The following ATG7 variants were observed in gnomAD, a reference collection of about 807,000 sequenced individuals.
ATG7 encodes ubiquitin-like modifier-activating enzyme ATG7.
Under a neutral mutation model 82.4 loss-of-function variants are expected in ATG7, and 70 were observed. That is an observed-to-expected ratio of 0.85 (90% confidence interval 0.70 to 1.04). The LOEUF (loss-of-function observed/expected upper bound fraction) is 1.04, where lower values mean the gene tolerates loss of function less well. Among genes scored for constraint, ATG7 ranks in the 50% least tolerant of loss-of-function variants. The probability of loss-of-function intolerance (pLI) is 0.00; values close to 1 mark genes in which losing one functional copy is unlikely to be tolerated. For missense variants in ATG7, 792 were observed against 864.3 expected (o/e 0.92, Z 1.05); for synonymous variants, 287 against 313.0 (o/e 0.92, Z 0.88).
intron 19 of ATG7, among the ~76,000 whole-genome samples, chr3:11,415,778 T>A (rs889184123): frequency 2.7e-5 from 4 of 150,374 alleles, no homozygotes; most frequent in South Asian, 2.1e-4. Flanking sequence ...TTTTTTTAAA[T>A]AAGTAGAGGG....
chr3:11,433,078 G>A (rs1239757479), intron 20 of ATG7, among the ~76,000 whole-genome samples: 2 of 152,032 alleles, frequency 1.3e-5, no homozygotes, highest in African/African-American at 4.8e-5. Flanking sequence ...GATTGCTTGG[G>A]TCTGGGAGTT....
At chr3:11,559,638 C>G (rs991381499), downstream of ATG7, among the ~76,000 whole-genome samples, 2 of 152,212 alleles carry the variant, frequency 1.3e-5, no homozygotes, top group East Asian at 3.9e-4. Flanking sequence ...GAGCGCAGCT[C>G]CAAGGGTGTG....
At chr3:11,552,247 T>C (rs1227688798) in intron 20 of ATG7, among the ~76,000 whole-genome samples, 1 of 152,256 alleles carries the variant, frequency 6.6e-6, no homozygotes, top group Non-Finnish European at 1.5e-5. Context: ...TAGGGTTGAA[T>C]GTTTTTAAAG....
intron 20 of ATG7, among the ~76,000 whole-genome samples, chr3:11,494,207 T>C (rs2090628538): frequency 6.6e-6 from 1 of 152,146 alleles, no homozygotes; most frequent in African/African-American, 2.4e-5. Context: ...CAGGGGTTTA[T>C]ATGCCAGAGA....
chr3:11,385,321 C>T (rs1559513128), intron 19 of ATG7, among the ~76,000 whole-genome samples: 1 of 152,238 alleles, frequency 6.6e-6, no homozygotes, highest in Non-Finnish European at 1.5e-5. Flanking sequence ...AGCCACTGCG[C>T]TCAGCCAGCT....
intron 18 of ATG7, among the ~76,000 whole-genome samples, chr3:11,365,284 C>A (rs2076526193): frequency 6.6e-6 from 1 of 152,096 alleles, no homozygotes; most frequent in Non-Finnish European, 1.5e-5. Context: ...AAATAGAAAA[C>A]CTTTATAGGC....
intron 20 of ATG7, among the ~76,000 whole-genome samples, chr3:11,479,521 A>G (rs1448685083): frequency 2.0e-5 from 3 of 152,186 alleles, no homozygotes; most frequent in Non-Finnish European, 4.4e-5. Context: ...GGAGCAGTGC[A>G]TCTTTCAACT....
chr3:11,436,127 G>C (rs1333365240), intron 20 of ATG7, among the ~76,000 whole-genome samples: 1 of 152,046 alleles, frequency 6.6e-6, no homozygotes, highest in African/African-American at 2.4e-5. Flanking sequence ...ATAATATAAA[G>C]ATACAGAACT....
chr3:11,514,144 G>A (rs924748964), intron 20 of ATG7, among the ~76,000 whole-genome samples: 2 of 152,072 alleles, frequency 1.3e-5, no homozygotes, highest in Non-Finnish European at 1.5e-5. Flanking sequence ...TATTAACACC[G>A]CTCTTTTATA....
At chr3:11,505,008 C>T (rs1370943518) in intron 20 of ATG7, among the ~76,000 whole-genome samples, 2 of 152,002 alleles carry the variant, frequency 1.3e-5, no homozygotes, top group Non-Finnish European at 2.9e-5. Context: ...CTGAAAAGAT[C>T]GAGAAGTCAA....
intron 14 of ATG7, among the ~76,000 whole-genome samples, chr3:11,358,040 A>T (rs2076047617): frequency 6.6e-6 from 1 of 151,998 alleles, no homozygotes; most frequent in African/African-American, 2.4e-5. Context: ...AAAAGAAAAA[A>T]AAAGAGGTAC....
chr3:11,515,829 G>A (rs980611589), intron 20 of ATG7, among the ~76,000 whole-genome samples: 2 of 152,044 alleles, frequency 1.3e-5, no homozygotes, highest in African/African-American at 4.8e-5. Context: ...TCTCTTGCTG[G>A]GCTAAAGACA....
intron 9 of ATG7, among the ~76,000 whole-genome samples, chr3:11,318,113 C>G (rs553857769): frequency 2.4e-4 from 37 of 152,328 alleles, no homozygotes; most frequent in African/African-American, 8.9e-4. Context: ...GACAACAAAT[C>G]TCTGGGGTCT....
intron 20 of ATG7, among the ~76,000 whole-genome samples, chr3:11,465,109 G>A (rs1038208448): frequency 6.6e-6 from 1 of 151,626 alleles, no homozygotes; most frequent in African/African-American, 2.4e-5. Context: ...GTGTGTGTGT[G>A]TGTGTAAGGA....
At chr3:11,336,343 T>C (rs1952486516) in intron 11 of ATG7, among the ~76,000 whole-genome samples, 1 of 152,134 alleles carries the variant, frequency 6.6e-6, no homozygotes, top group South Asian at 2.1e-4. Flanking sequence ...GATGCTGACA[T>C]TTAAACTCAG....
intron 6 of ATG7, chr3:11,308,428 A>G (rs1948110199): frequency 6.5e-6 from 1 of 153,184 alleles, no homozygotes; most frequent in African/African-American, 2.4e-5. Context: ...AGAAACCCCT[A>G]TGTGTATTTC....
chr3:11,298,680 T>C lies in ATG7; in HGVS notation c.-10-6T>C. 3.1e-6 allele frequency: 5 copies of C among 1,610,426 alleles called. No individual in the cohort carries two copies. Among genetic ancestry groups the C allele is most frequent in the Non-Finnish European group, 4.2e-6 (5 of 1,178,054 alleles). Reference sequence around the variant, plus strand: ...TTTTGCTGTGTTCTGTTTTGTTTTTTAATAGGCAAGAAATAATGGCGGCAG... The same window carrying C: ...TTTTGCTGTGTTCTGTTTTGTTTTTCAATAGGCAAGAAATAATGGCGGCAG... On this transcript the variant is annotated splice_region_variant and splice_polypyrimidine_tract_variant and intron_variant, in intron 3 of 20. Transcript: ENST00000693202.
chr3:11,404,350 G>A (rs894762402), intron 19 of ATG7, among the ~76,000 whole-genome samples: 2 of 151,750 alleles, frequency 1.3e-5, no homozygotes, highest in African/African-American at 4.8e-5. Flanking sequence ...TGGCCAGGCT[G>A]GTCATGAACT....
At chr3:11,548,147 T>C (rs2071445672) in intron 20 of ATG7, among the ~76,000 whole-genome samples, 1 of 152,236 alleles carries the variant, frequency 6.6e-6, no homozygotes, top group African/African-American at 2.4e-5. Context: ...CTTGGACTTT[T>C]GCCACATTTT....
Sources: gnomAD v4.1 joint callset for allele counts (sites outside exome capture counted in the v4.1 genomes callset) on GRCh38, gnomAD v4.1.1 for gene constraint, MANE v1.5 for transcripts, NCBI Gene and HGNC (gene_info 2026-07-23, HGNC 2026-07-21) for gene names.